SLC38A6: variants seen among roughly 807,000 people sequenced by gnomAD.
The protein encoded by SLC38A6 is N system amino acid transporter NAT-1.
In SLC38A6, 73 loss-of-function variants were observed where a neutral mutation model predicts 65.0. The ratio of observed to expected loss-of-function variants is 1.12; its 90% CI spans 0.93 to 1.37. The LOEUF (loss-of-function observed/expected upper bound fraction) is 1.37, where lower values mean the gene tolerates loss of function less well. SLC38A6 is among the 40% of genes most tolerant of loss of function. SLC38A6 has a pLI of 0.00. For missense variants in SLC38A6, 561 were observed against 531.1 expected (o/e 1.06, Z -0.55); for synonymous variants, 183 against 178.8 (o/e 1.02, Z -0.19).
At chr14:61,069,624 C>T (rs1029399290) in intron 15 of SLC38A6, among the ~76,000 whole-genome samples, 1 of 152,136 alleles carries the variant, frequency 6.6e-6, no homozygotes, top group Non-Finnish European at 1.5e-5. Flanking sequence ...CAGCTCAAAT[C>T]CCACTTCTGT....
At chr14:61,043,024 A>G in intron 8 of SLC38A6, 123 bp from the exon 9 acceptor site, 2 of 617,150 alleles carry the variant, frequency 3.2e-6, no homozygotes, top group South Asian at 2.4e-5. Context: ...GGGAAAAGTC[A>G]CAGAAGCAGA....
intron 3 of SLC38A6, among the ~76,000 whole-genome samples, chr14:60,986,105 T>C (rs2037430494): frequency 6.6e-6 from 1 of 152,224 alleles, no homozygotes. Flanking sequence ...CAAACCAAAC[T>C]ATATCAGTGA....
At chr14:61,048,842 T>G (rs1169965898) in intron 12 of SLC38A6, among the ~76,000 whole-genome samples, 7 of 152,136 alleles carry the variant, frequency 4.6e-5, no homozygotes, top group African/African-American at 1.7e-4. Context: ...TCTATGAGGT[T>G]GTTAAGCAAG....
At chr14:61,074,696 TCCCTCCCTCCC>T (rs2043340026) in intron 15 of SLC38A6, among the ~76,000 whole-genome samples, 1 of 116,648 alleles carries the variant, frequency 8.6e-6, no homozygotes, top group African/African-American at 3.5e-5. Context: ...CCTCCCTCCC[TCCCTCCCTCCC>T]TCCCTTCCTT....
chr14:61,009,748 A>G (rs1479019166), intron 3 of SLC38A6, among the ~76,000 whole-genome samples: 6 of 152,328 alleles, frequency 3.9e-5, no homozygotes, highest in Admixed American at 2.0e-4. Flanking sequence ...TCCATGGTGT[A>G]TATGTGCCAC....
intron 5 of SLC38A6, among the ~76,000 whole-genome samples, chr14:61,020,500 C>T (rs1399691071): frequency 2.6e-5 from 4 of 152,058 alleles, no homozygotes; most frequent in Non-Finnish European, 5.9e-5. Flanking sequence ...CAAATTCCAT[C>T]GTTAATAGGT....
intron 5 of SLC38A6, among the ~76,000 whole-genome samples, chr14:61,028,946 G>C (rs1370160368): frequency 6.6e-6 from 1 of 151,976 alleles, no homozygotes; most frequent in Non-Finnish European, 1.5e-5. Context: ...ATGAAGTTCA[G>C]CTCCTTTCAA....
chr14:61,083,726 A>G (rs1279178015), downstream of SLC38A6: 3 of 1,545,860 alleles, frequency 1.9e-6, no homozygotes, highest in Admixed American at 2.0e-5. Context: ...ATGTTGTTTA[A>G]TCACCCAGTT....
chr14:61,029,989 C>T (rs1424170803), intron 5 of SLC38A6, among the ~76,000 whole-genome samples: 2 of 152,064 alleles, frequency 1.3e-5, no homozygotes, highest in African/African-American at 2.4e-5. Context: ...TGTGGGGAGG[C>T]ATCTTTCTCT....
chr14:61,015,406 C>A (rs947354996), intron 3 of SLC38A6, among the ~76,000 whole-genome samples: 9 of 152,180 alleles, frequency 5.9e-5, no homozygotes, highest in African/African-American at 2.2e-4. Flanking sequence ...CACTGTCCAA[C>A]ACTCCCCAGT....
At position 61,030,826 on chromosome 14, in the gene SLC38A6, A is replaced by G. The variant is rs111428531; in HGVS notation, c.482+303A>G. The G allele has an allele frequency of 7.2e-3, 1,337 of 185,438 alleles. 22 individuals are homozygous for G. The highest frequency in any genetic ancestry group is 0.029 in the African/African-American group (1,253 of 42,806). The allele number at this position is 185,438 out of a possible 1,614,324, so 11.5% of individuals were successfully genotyped here. A position where few individuals can be genotyped will look rare whatever the true frequency, so the allele number is the denominator to read the frequency against. On this transcript the variant is annotated intron_variant, in intron 6 of 15. Transcript: ENST00000267488. Reference sequence around the variant, plus strand: ...GATTGAGATGCTCTTAAGGAGGAATAAAGGGTAAATTTCTGGGGATATGCA... The same window carrying G: ...GATTGAGATGCTCTTAAGGAGGAATGAAGGGTAAATTTCTGGGGATATGCA...
At position 61,037,106 on chromosome 14, in the gene SLC38A6, G is replaced by A. The variant is rs758288640; in HGVS notation, c.530G>A (p.Gly177Asp). The A allele has an allele frequency of 6.2e-7, 1 of 1,608,740 alleles. No individual in the cohort carries two copies. The highest frequency in any genetic ancestry group is 1.1e-5 in the South Asian group (1 of 90,296). The change falls in exon 7 of 16, where the codon GGC becomes GAC. Residue 177 changes from glycine (G) to aspartate (D), a missense_variant. Transcript: ENST00000267488. ...ACACTACTAATAATCATATGTGTTG[G>A]CATTGTGTTCCCTCTTGCACTTCTT... ...GQTLLIIICVGIVFPLALLPK... is the reference protein window; with the variant it reads ...GQTLLIIICVDIVFPLALLPK...
intron 2 of SLC38A6, 74 bp downstream of exon 2, chr14:60,982,712 C>A (rs1160590978): frequency 3.9e-5 from 56 of 1,437,604 alleles, no homozygotes; most frequent in Admixed American, 1.9e-4. Flanking sequence ...GAGATAGATT[C>A]CAGAAGCTGC....
chr14:61,081,740 G>A (rs566732409), intron 16 of SLC38A6, among the ~76,000 whole-genome samples: 1 of 152,250 alleles, frequency 6.6e-6, no homozygotes, highest in Non-Finnish European at 1.5e-5. Flanking sequence ...TACTTAATTT[G>A]TGCGACTAGC....
intron 3 of SLC38A6, among the ~76,000 whole-genome samples, chr14:60,992,750 G>A (rs535342327): frequency 2.0e-5 from 3 of 151,572 alleles, no homozygotes; most frequent in South Asian, 2.1e-4. Context: ...GCAGTGGCGC[G>A]ATCTAGCCAA....
At chr14:60,994,097 A>G (rs992649765) in intron 3 of SLC38A6, among the ~76,000 whole-genome samples, 2 of 152,364 alleles carry the variant, frequency 1.3e-5, no homozygotes, top group East Asian at 3.9e-4. Flanking sequence ...ATTTACCCAA[A>G]TGAGTTCAAG....
chr14:60,989,459 C>T (rs1367437442), intron 3 of SLC38A6, among the ~76,000 whole-genome samples: 3 of 152,162 alleles, frequency 2.0e-5, no homozygotes, highest in African/African-American at 4.8e-5. Context: ...TGTGGTGTCT[C>T]ATGCCCGTAA....
At chr14:61,012,270 CTCTTT>C (rs776041319) in intron 3 of SLC38A6, among the ~76,000 whole-genome samples, 6 of 152,036 alleles carry the variant, frequency 3.9e-5, no homozygotes, top group South Asian at 4.2e-4. Flanking sequence ...TGATTCTTCT[CTCTTT>C]TCTTCTGTAT....
In SLC38A6 at chr14:61,044,961, G is replaced by A. The variant is rs150195280; in HGVS notation, c.745-385G>A. Among the ~76,000 whole-genome samples, 36 of 152,158 alleles carry A rather than the reference G, an allele frequency of 2.4e-4. No individual in the cohort carries two copies. In the East Asian group the frequency reaches 4.2e-3, roughly 18 times the overall value. The stretch of plus-strand genomic sequence containing the variant: ...GTAATAAGATACATTTAAATTGTGC[G>A]TACATTTAGAAGACAGAGAATTAAA... On this transcript the variant is annotated intron_variant, in intron 10 of 15. Transcript: ENST00000267488.
Sources: allele counts gnomAD v4.1 joint callset (sites outside exome capture counted in the v4.1 genomes callset), GRCh38; gene constraint gnomAD v4.1.1; transcripts MANE v1.5; gene names NCBI Gene and HGNC (gene_info 2026-07-23, HGNC 2026-07-21).